MCPH1: variants seen among roughly 807,000 people sequenced by gnomAD.
The protein encoded by MCPH1 is microcephalin.
MCPH1 carries 104 observed loss-of-function variants against 84.5 expected under a neutral mutation model. The observed-to-expected ratio is 1.23, with a 90% CI of 1.05 to 1.45. The LOEUF is 1.45. MCPH1 is among the 40% of genes most tolerant of loss of function. The probability of loss-of-function intolerance (pLI) is 0.00; values close to 1 mark genes in which losing one functional copy is unlikely to be tolerated. For missense variants in MCPH1, 1,498 were observed against 1,005.7 expected (o/e 1.49, Z -6.62); for synonymous variants, 514 against 366.8 (o/e 1.40, Z -4.58).
chr8:6,585,987 G>A (rs979772302), intron 12 of MCPH1, among the ~76,000 whole-genome samples: 1 of 152,148 alleles, frequency 6.6e-6, no homozygotes, highest in African/African-American at 2.4e-5. Context: ...TTGAGCTAGG[G>A]TCTCACTCTG....
intron 8 of MCPH1, among the ~76,000 whole-genome samples, chr8:6,448,404 G>A (rs890862442): frequency 3.3e-5 from 5 of 152,202 alleles, no homozygotes; most frequent in African/African-American, 1.2e-4. Context: ...TTGGAGAGGG[G>A]TAAGAGCCAG....
intron 2 of MCPH1, among the ~76,000 whole-genome samples, chr8:6,414,047 C>T (rs919992531): frequency 6.6e-6 from 1 of 152,196 alleles, no homozygotes; most frequent in African/African-American, 2.4e-5. Flanking sequence ...ACCACCACAC[C>T]CAGTTTCCTT....
chr8:6,563,077 T>C, intron 12 of MCPH1: 1 of 884,302 alleles, frequency 1.1e-6, no homozygotes, highest in South Asian at 1.9e-5. Flanking sequence ...TTTCCTCTTT[T>C]TCCAGTAGCA....
chr8:6,546,668 G>A (rs1341955473), intron 12 of MCPH1, among the ~76,000 whole-genome samples: 4 of 152,136 alleles, frequency 2.6e-5, no homozygotes, highest in African/African-American at 9.7e-5. Context: ...GAGATAAATA[G>A]AGAAAAAATA....
rs923092560 is a variant in MCPH1, at chr8:6,455,059, T to C, written c.1826-84T>C. On this transcript the variant is annotated intron_variant, in intron 8 of 13. Coordinates refer to ENST00000344683, the MANE Select transcript of MCPH1 (RefSeq NM_024596.5). ...GGCCTATAACTTCCTGTTTCCATTA[T>C]GCATAAATGTGATTTTTGTTTTGCT... The C allele has an allele frequency of 1.0e-5, 10 of 972,656 alleles. No homozygotes were observed. In the African/African-American group the frequency reaches 1.4e-4, roughly 14 times the overall value. 60.3% of individuals were successfully genotyped at this position (972,656 alleles called of 1,614,324 possible). A position where few individuals can be genotyped will look rare whatever the true frequency, so the allele number is the denominator to read the frequency against.
At chr8:6,415,589 G>T (rs1171798363) in intron 3 of MCPH1, among the ~76,000 whole-genome samples, 1 of 152,012 alleles carries the variant, frequency 6.6e-6, no homozygotes, top group African/African-American at 2.4e-5. Flanking sequence ...TCTGACCTCA[G>T]GTGATCCACC....
At chr8:6,421,320 G>A (rs1368187260) in intron 3 of MCPH1, among the ~76,000 whole-genome samples, 1 of 152,128 alleles carries the variant, frequency 6.6e-6, no homozygotes, top group Non-Finnish European at 1.5e-5. Flanking sequence ...TAATTGTTGA[G>A]CTATCACCCA....
At chr8:6,458,887 C>G (rs917214494) in intron 9 of MCPH1, among the ~76,000 whole-genome samples, 5 of 152,202 alleles carry the variant, frequency 3.3e-5, no homozygotes, top group Non-Finnish European at 5.9e-5. Flanking sequence ...CTCAAGTGAT[C>G]TGCCTTCCTT....
intron 12 of MCPH1, among the ~76,000 whole-genome samples, chr8:6,573,274 A>G (rs887276529): frequency 1.3e-5 from 2 of 152,120 alleles, no homozygotes; most frequent in African/African-American, 4.8e-5. Flanking sequence ...GTGTGAGTAG[A>G]GGCAGAGAGA....
intron 13 of MCPH1, chr8:6,627,151 C>G: frequency 2.0e-6 from 2 of 984,196 alleles, no homozygotes; most frequent in South Asian, 9.4e-5. Context: ...ACTGACTGAC[C>G]AGAAAAATGC....
chr8:6,633,723 G>C (rs934568536), intron 13 of MCPH1, among the ~76,000 whole-genome samples: 1 of 152,120 alleles, frequency 6.6e-6, no homozygotes, highest in Non-Finnish European at 1.5e-5. Context: ...ACGTGTGCAG[G>C]CTGGACGCAC....
At chr8:6,514,417 G>A (rs188277857) in intron 12 of MCPH1, among the ~76,000 whole-genome samples, 3 of 152,240 alleles carry the variant, frequency 2.0e-5, no homozygotes, top group Non-Finnish European at 2.9e-5. Flanking sequence ...TCAAACTCCT[G>A]ACCTCAGGTA....
intron 3 of MCPH1, among the ~76,000 whole-genome samples, chr8:6,416,645 T>A (rs1799341060): frequency 6.6e-6 from 1 of 152,218 alleles, no homozygotes. Context: ...AACCTTGCAG[T>A]CCTAGGATAA....
chr8:6,621,387 A>G (rs1831393171), intron 12 of MCPH1, 67 bp from the exon 13 acceptor site: 1 of 1,585,508 alleles, frequency 6.3e-7, no homozygotes, highest in Non-Finnish European at 8.6e-7. Flanking sequence ...AAACTGCAAC[A>G]GTTCGCCTAC....
intron 12 of MCPH1, among the ~76,000 whole-genome samples, chr8:6,609,375 C>T (rs1300964951): frequency 6.6e-6 from 1 of 152,172 alleles, no homozygotes; most frequent in Non-Finnish European, 1.5e-5. Context: ...AACTATGAGG[C>T]ATGAAATCCA....
rs2129551633 is a variant in MCPH1 at position 6,414,898 on chromosome 8, TCTTA to T, written c.233+19_233+22del. Reference sequence around the variant, plus strand: ...TGGGTGGAAAAGTAAGCAGTTTCTCTCTTACTTTTTTTCCTTAAGTATCTAGTAT... The same window carrying T: ...TGGGTGGAAAAGTAAGCAGTTTCTCTCTTTTTTTCCTTAAGTATCTAGTAT... On this transcript the variant is annotated intron_variant, in intron 3 of 13. Transcript: ENST00000344683. 2 of 1,612,312 alleles carry T rather than the reference TCTTA, an allele frequency of 1.2e-6. No individual in the cohort carries two copies. The highest frequency in any genetic ancestry group is 1.1e-5 in the South Asian group (1 of 90,982).
intron 7 of MCPH1, 125 bp from the exon 8 acceptor site, chr8:6,444,268 G>A (rs757524069): frequency 9.2e-7 from 1 of 1,082,200 alleles, no homozygotes; most frequent in East Asian, 2.6e-5. Context: ...AAGAACTCAA[G>A]TGTGGTTAAT....
At chr8:6,536,445 C>A (rs904908537) in intron 12 of MCPH1, among the ~76,000 whole-genome samples, 1 of 152,092 alleles carries the variant, frequency 6.6e-6, no homozygotes. Flanking sequence ...CTTGAGTATG[C>A]CTTCCAATTC....
chr8:6,617,888 A>G (rs1830986395), intron 12 of MCPH1, among the ~76,000 whole-genome samples: 1 of 134,042 alleles, frequency 7.5e-6, no homozygotes, highest in South Asian at 2.4e-4. Flanking sequence ...CCATCTATCT[A>G]TCTATCTATC....
Sources: allele counts gnomAD v4.1 joint callset (sites outside exome capture counted in the v4.1 genomes callset), GRCh38; gene constraint gnomAD v4.1.1; transcripts MANE v1.5; gene names NCBI Gene and HGNC (gene_info 2026-07-23, HGNC 2026-07-21).